SCARA5: variants seen among roughly 807,000 people sequenced by gnomAD.
The protein encoded by SCARA5 is scavenger receptor class A, member 5 (putative).
SCARA5 carries 45 observed loss-of-function variants against 46.3 expected under a neutral mutation model. That is an observed-to-expected ratio of 0.97 (90% CI 0.76 to 1.24). The LOEUF is 1.24. Ranked by LOEUF, SCARA5 falls within the 50% of genes most tolerant of loss-of-function variation. SCARA5 has a pLI of 0.00. For missense variants in SCARA5, 680 were observed against 689.0 expected (o/e 0.99, Z 0.15); for synonymous variants, 333 against 306.5 (o/e 1.09, Z -0.90).
chr8:27,936,970 C>T lies in SCARA5; in HGVS notation c.242-14725G>A, dbSNP rs1412728652. On this transcript the variant is annotated intron_variant, in intron 3 of 8. Transcript: ENST00000354914. Reference sequence around the variant, plus strand: ...AGATGAATTCTAAATCAAAAGCCTCCTATTGAGAATATTCCCGGATTCCCA... The same window carrying T: ...AGATGAATTCTAAATCAAAAGCCTCTTATTGAGAATATTCCCGGATTCCCA... Among the ~76,000 whole-genome samples, 3 of 152,176 alleles carry T rather than the reference C, an allele frequency of 2.0e-5. No homozygotes were observed. In the East Asian group the frequency reaches 5.8e-4, roughly 29 times the overall value.
rs1271894288 is a variant in SCARA5, at chr8:27,974,962, C to G, written c.113-8420G>C. On this transcript the variant is annotated intron_variant, in intron 2 of 8. Transcript: ENST00000354914. ...CTAAAGCTCTTGGGATTTCCAGAGT[C>G]ATAAGAGTGATTTTTGTGTATTCAT... Among the ~76,000 whole-genome samples the G allele has an allele frequency of 2.0e-5, 3 of 152,210 alleles. No homozygotes were observed. The East Asian group carries it at 5.8e-4, about 29-fold the overall frequency.
chr8:27,871,659 T>C lies in SCARA5; in HGVS notation c.*275A>G. On this transcript the variant is annotated 3_prime_UTR_variant, in exon 9 of 9. Coordinates refer to ENST00000354914, the MANE Select transcript of SCARA5 (RefSeq NM_173833.6). The stretch of plus-strand genomic sequence containing the variant: ...GGCCTGGTGCATGGTGTTCAGAGGC[T>C]GGGCAAAGTGGTGATCCAGTTGATC... 1 of 1,336,178 alleles carries C rather than the reference T, an allele frequency of 7.5e-7. No individual in the cohort carries two copies. 82.8% of individuals were successfully genotyped at this position (1,336,178 alleles called of 1,614,324 possible).
At chr8:27,932,476 A>T (rs1172652986) in intron 3 of SCARA5, among the ~76,000 whole-genome samples, 3 of 152,208 alleles carry the variant, frequency 2.0e-5, no homozygotes, top group Admixed American at 1.3e-4. Flanking sequence ...CTTAAACAAC[A>T]AACGTTTATG....
At chr8:27,879,441 G>T in intron 8 of SCARA5, 128 bp downstream of exon 8, 2 of 855,250 alleles carry the variant, frequency 2.3e-6, no homozygotes, top group Non-Finnish European at 3.7e-6. Flanking sequence ...TCTTATTGCA[G>T]CAAGCATTTG....
chr8:27,883,766 T>C (rs1218849449), intron 7 of SCARA5, among the ~76,000 whole-genome samples: 1 of 152,192 alleles, frequency 6.6e-6, no homozygotes, highest in Non-Finnish European at 1.5e-5. Context: ...GACATTGTAC[T>C]GGAACCCAGT....
At chr8:27,973,480 TAAA>T in intron 2 of SCARA5, among the ~76,000 whole-genome samples, 1 of 152,042 alleles carries the variant, frequency 6.6e-6, no homozygotes, top group African/African-American at 2.4e-5. Flanking sequence ...CTGTCTCAAA[TAAA>T]TAAATTAATT....
chr8:27,879,376 C>A (rs1172200287), intron 8 of SCARA5, among the ~76,000 whole-genome samples, 193 bp downstream of exon 8: 1 of 152,050 alleles, frequency 6.6e-6, no homozygotes. Context: ...ATGTTCTAAT[C>A]ATCAGAACTG....
intron 3 of SCARA5, among the ~76,000 whole-genome samples, chr8:27,933,160 G>A (rs946471186): frequency 9.8e-5 from 15 of 152,288 alleles, no homozygotes; most frequent in Admixed American, 2.6e-4. Flanking sequence ...GGCTGCAGGC[G>A]TTGATTTTTA....
intron 8 of SCARA5, among the ~76,000 whole-genome samples, chr8:27,874,885 CA>C (rs1036775945): frequency 2.2e-4 from 34 of 152,314 alleles, no homozygotes; most frequent in African/African-American, 7.7e-4. Flanking sequence ...CTCCAGTCAT[CA>C]CCCTTCCACC....
At chr8:27,943,789 G>A (rs1464033486) in intron 3 of SCARA5, among the ~76,000 whole-genome samples, 1 of 152,186 alleles carries the variant, frequency 6.6e-6, no homozygotes, top group Admixed American at 6.5e-5. Flanking sequence ...AACTGACTCG[G>A]GCAAGAATTG....
At chr8:27,880,387 T>C (rs529940229) in intron 7 of SCARA5, among the ~76,000 whole-genome samples, 1 of 101,792 alleles carries the variant, frequency 9.8e-6, no homozygotes, top group African/African-American at 4.0e-5. Flanking sequence ...AGAGCTTCTG[T>C]ACAGGAAAAA....
chr8:27,901,617 A>C (rs933420158), intron 7 of SCARA5, among the ~76,000 whole-genome samples: 8 of 152,234 alleles, frequency 5.3e-5, no homozygotes, highest in South Asian at 4.1e-4. Context: ...CATAAGCAGG[A>C]GGCTGAATAC....
chr8:27,935,873 G>A (rs1296116646), intron 3 of SCARA5, among the ~76,000 whole-genome samples: 1 of 152,152 alleles, frequency 6.6e-6, no homozygotes, highest in South Asian at 2.1e-4. Context: ...AGGAAGGGGA[G>A]GTCCTGGGGA....
intron 4 of SCARA5, among the ~76,000 whole-genome samples, chr8:27,919,259 G>A (rs118179314): frequency 7.4e-5 from 6 of 81,374 alleles, no homozygotes; most frequent in East Asian, 6.7e-4. Context: ...AAGAGAAAGA[G>A]GAGAAGGAAG....
intron 8 of SCARA5, among the ~76,000 whole-genome samples, chr8:27,872,988 CG>C (rs1806664648): frequency 6.6e-6 from 1 of 152,130 alleles, no homozygotes; most frequent in African/African-American, 2.4e-5. Context: ...GGATCATTCC[CG>C]GAGGAATTTG....
In SCARA5 at chr8:27,901,781, AAG is replaced by A. The variant is rs140300938; in HGVS notation, c.1153+2995_1153+2996del. ...CATCTGCATCTGGAGCTACCAGTGA[AAG>A]AGGGGATTACTTGGGGTTTTAAGGA... On this transcript the variant is annotated intron_variant, in intron 7 of 8. Coordinates refer to ENST00000354914, the MANE Select transcript of SCARA5 (RefSeq NM_173833.6). Among the ~76,000 whole-genome samples the A allele has an allele frequency of 7.9e-4, 120 of 152,292 alleles. 1 individual carries two copies. Among genetic ancestry groups the A allele is most frequent in the African/African-American group, 2.8e-3 (116 of 41,570 alleles).
intron 3 of SCARA5, among the ~76,000 whole-genome samples, chr8:27,962,742 A>G (rs1808311677): frequency 6.6e-6 from 1 of 152,172 alleles, no homozygotes; most frequent in Non-Finnish European, 1.5e-5. Flanking sequence ...TCCTTTGTAT[A>G]ATTTGGCAAC....
chr8:27,986,071 C>T (rs549578023), intron 2 of SCARA5, among the ~76,000 whole-genome samples: 6 of 152,308 alleles, frequency 3.9e-5, no homozygotes, highest in African/African-American at 1.4e-4. Flanking sequence ...TGTGCTGTAC[C>T]CAGTCTTTCT....
chr8:27,912,342 A>C (rs1404123755), intron 4 of SCARA5, among the ~76,000 whole-genome samples: 1 of 152,232 alleles, frequency 6.6e-6, no homozygotes. Context: ...GACCTAACCA[A>C]ACTTGACAGA....
Sources: gnomAD v4.1 joint callset for allele counts (sites outside exome capture counted in the v4.1 genomes callset) on GRCh38, gnomAD v4.1.1 for gene constraint, MANE v1.5 for transcripts, NCBI Gene and HGNC (gene_info 2026-07-23, HGNC 2026-07-21) for gene names.